Variants in DNAH9 observed in about 807,000 individuals in gnomAD.
DNAH9 encodes dynein axonemal heavy chain 9, also known as DNAH9 variant protein.
DNAH9 carries 345 observed loss-of-function variants against 471.6 expected under a neutral mutation model. That is an observed-to-expected ratio of 0.73 (90% confidence interval 0.67 to 0.80). The LOEUF is 0.80. Ranked by LOEUF, DNAH9 falls within the 30% of genes least tolerant of loss-of-function variation. The pLI, the probability that DNAH9 is intolerant of heterozygous loss-of-function variation, is 0.00. For missense variants in DNAH9, 5,407 were observed against 5,609.2 expected, an observed-to-expected ratio of 0.96 and a Z score of 1.15; for synonymous variants, 2,093 against 2,123.6, an observed-to-expected ratio of 0.99 and a Z score of 0.40.
intron 26 of DNAH9, among the ~76,000 whole-genome samples, chr17:11,708,057 C>CG (rs2074757918): frequency 8.2e-6 from 1 of 122,306 alleles, no homozygotes; most frequent in East Asian, 3.2e-4. Flanking sequence ...AGAGAGAGAG[C>CG]AGGTAACCCT....
chr17:11,836,083 G>A (rs1374776191), intron 49 of DNAH9, among the ~76,000 whole-genome samples: 1 of 152,226 alleles, frequency 6.6e-6, no homozygotes, highest in Non-Finnish European at 1.5e-5. Context: ...CATGTGAAAA[G>A]GGGTAGCTGC....
chr17:11,826,651 A>G lies in DNAH9; in HGVS notation c.9246+3617A>G, dbSNP rs1199905968. ...TTTTTTTTTTGTATGTTTAATGGAGACGGGGTTTCACCGTGTTAGCCAGGA... is the reference window on the plus strand; with the variant it reads ...TTTTTTTTTTGTATGTTTAATGGAGGCGGGGTTTCACCGTGTTAGCCAGGA... On this transcript the variant is annotated intron_variant, in intron 48 of 68. Transcript: ENST00000262442. Among the ~76,000 whole-genome samples, 12 of 145,924 alleles carry G rather than the reference A, an allele frequency of 8.2e-5. No homozygotes were observed. In the East Asian group the frequency reaches 2.3e-3, roughly 28 times the overall value.
intron 19 of DNAH9, among the ~76,000 whole-genome samples, chr17:11,685,643 T>C (rs1432281903): frequency 6.6e-6 from 1 of 151,856 alleles, no homozygotes; most frequent in Non-Finnish European, 1.5e-5. Context: ...ATCTGCAGGA[T>C]TGATTGAATG....
intron 1 of DNAH9, among the ~76,000 whole-genome samples, chr17:11,603,985 A>G (rs917534017): frequency 1.3e-5 from 2 of 150,194 alleles, no homozygotes; most frequent in Middle Eastern, 3.5e-3. Flanking sequence ...TCCTATCACC[A>G]TGGCTATCAC....
chr17:11,719,002 G>T (rs758514281), intron 26 of DNAH9, among the ~76,000 whole-genome samples: 19 of 152,190 alleles, frequency 1.2e-4, no homozygotes, highest in Non-Finnish European at 2.5e-4. Context: ...CTCAGTCCTA[G>T]TGTGTCTGGC....
At chr17:11,924,051 T>C in intron 62 of DNAH9, 110 bp downstream of exon 62, 1 of 1,420,590 alleles carries the variant, frequency 7.0e-7, no homozygotes, top group Admixed American at 2.2e-5. Flanking sequence ...CCTTTCACAC[T>C]CTTGTCCCCT....
At chr17:11,684,445 C>G (rs1307600627) in intron 19 of DNAH9, among the ~76,000 whole-genome samples, 1 of 152,158 alleles carries the variant, frequency 6.6e-6, no homozygotes, top group Non-Finnish European at 1.5e-5. Context: ...TACTCAGATT[C>G]AAGGGCTTTG....
intron 26 of DNAH9, among the ~76,000 whole-genome samples, chr17:11,707,291 A>G (rs897628072): frequency 2.0e-5 from 3 of 152,218 alleles, no homozygotes; most frequent in Non-Finnish European, 4.4e-5. Flanking sequence ...AAATGACCAG[A>G]TAGAATCTGT....
intron 65 of DNAH9, among the ~76,000 whole-genome samples, chr17:11,935,164 G>A (rs984881262): frequency 4.6e-5 from 7 of 151,542 alleles, no homozygotes; most frequent in African/African-American, 1.7e-4. Flanking sequence ...GTTTCATCGT[G>A]TTGGCGAAGC....
intron 49 of DNAH9, among the ~76,000 whole-genome samples, chr17:11,852,779 A>G: frequency 7.0e-6 from 1 of 143,358 alleles, no homozygotes. Flanking sequence ...CCGGCAGTAT[A>G]TATAAGAGAT....
intron 67 of DNAH9, among the ~76,000 whole-genome samples, chr17:11,953,234 G>A (rs1597870144): frequency 6.6e-6 from 1 of 152,154 alleles, no homozygotes; most frequent in Middle Eastern, 3.2e-3. Context: ...GCTGCCCACA[G>A]AGAAGTTGCT....
intron 45 of DNAH9, 24 bp from the exon 46 acceptor site, chr17:11,821,896 T>G: frequency 1.9e-6 from 3 of 1,602,192 alleles, no homozygotes; most frequent in Non-Finnish European, 2.6e-6. Flanking sequence ...CAAGGCTGCC[T>G]ATCTGTGCTC....
chr17:11,753,090 A>G, intron 33 of DNAH9, 130 bp downstream of exon 33: 1 of 709,504 alleles, frequency 1.4e-6, no homozygotes, highest in Middle Eastern at 3.3e-4. Flanking sequence ...TATCATCAGC[A>G]TCTTCACCAC....
At chr17:11,760,208 A>G (rs1211861656) in intron 35 of DNAH9, among the ~76,000 whole-genome samples, 2 of 152,174 alleles carry the variant, frequency 1.3e-5, no homozygotes, top group African/African-American at 2.4e-5. Flanking sequence ...TGCAATAAAC[A>G]TAAGAGTGCA....
At chr17:11,740,153 G>A (rs1262801476) in intron 29 of DNAH9, among the ~76,000 whole-genome samples, 2 of 152,196 alleles carry the variant, frequency 1.3e-5, no homozygotes, top group African/African-American at 2.4e-5. Flanking sequence ...CTGCATTGTT[G>A]ACCATTTGTT....
Position 11,784,441 on chromosome 17 carries a change from G to C in DNAH9, c.7963G>C (p.Ala2655Pro). Residue 2655 changes from alanine to proline, a missense_variant, in exon 41 of 69, where the codon GCC becomes CCC. Physicochemically the swap from Ala to Pro is conservative, Grantham distance 27 (BLOSUM62 -1). Transcript: ENST00000262442. ...ATCCATCCCCCCACTGATCGATCTG[G>C]CCCTCGCCTTCCACCAGAAAATTGC... ...QKSIPPLIDL[A>P]LAFHQKIATT... is the part of the protein sequence containing the mutation. 6.2e-7 allele frequency: 1 copy of C among 1,614,058 alleles called. No homozygotes were observed. The highest frequency in any genetic ancestry group is 8.5e-7 in the Non-Finnish European group (1 of 1,180,020).
At chr17:11,716,377 G>A (rs754571016) in intron 26 of DNAH9, among the ~76,000 whole-genome samples, 1 of 151,956 alleles carries the variant, frequency 6.6e-6, no homozygotes, top group Non-Finnish European at 1.5e-5. Context: ...CACCGTGCCC[G>A]GCCCTGTCTT....
chr17:11,940,342 C>T (rs1974862220), intron 66 of DNAH9, among the ~76,000 whole-genome samples: 1 of 152,226 alleles, frequency 6.6e-6, no homozygotes. Context: ...AACCAGAACT[C>T]TGTGTCCCCA....
In DNAH9 at chr17:11,793,650, A is replaced by G. The variant is rs1328349650; in HGVS notation, c.8209A>G (p.Lys2737Glu). The change falls in exon 42 of 69, where the codon AAG becomes GAG. Residue 2737 changes from lysine to glutamate, a missense_variant. Coordinates refer to ENST00000262442, the MANE Select transcript of DNAH9 (RefSeq NM_001372.4). Reference protein sequence around the residue: ...LFDKIQTEVLKKTFDDIEDPV... With the variant: ...LFDKIQTEVLEKTFDDIEDPV... Reference sequence around the variant, plus strand: ...TGATAAAATCCAGACAGAAGTGCTCAAGAAAACTTTTGATGTGAGTATTGC... The same window carrying G: ...TGATAAAATCCAGACAGAAGTGCTCGAGAAAACTTTTGATGTGAGTATTGC... 1 of 1,611,420 alleles carries G rather than the reference A, an allele frequency of 6.2e-7. No individual in the cohort carries two copies. Among genetic ancestry groups the G allele is most frequent in the East Asian group, 2.2e-5 (1 of 44,844 alleles).
Sources: allele counts gnomAD v4.1 joint callset (sites outside exome capture counted in the v4.1 genomes callset), GRCh38; gene constraint gnomAD v4.1.1; transcripts MANE v1.5; gene names NCBI Gene and HGNC (gene_info 2026-07-23, HGNC 2026-07-21).